TNIK: variants seen among roughly 807,000 people sequenced by gnomAD.
The protein encoded by TNIK is TRAF2 and NCK interacting kinase.
TNIK carries 49 observed loss-of-function variants against 191.3 expected under a neutral mutation model. The ratio of observed to expected loss-of-function variants is 0.26; its 90% CI spans 0.20 to 0.32. The LOEUF (loss-of-function observed/expected upper bound fraction) is 0.32, where lower values mean the gene tolerates loss of function less well. Among genes scored for constraint, TNIK ranks in the 10% least tolerant of loss-of-function variants. The pLI, the probability that TNIK is intolerant of heterozygous loss-of-function variation, is 1.00. For synonymous variants in TNIK, 594 were observed against 600.9 expected (o/e 0.99, Z 0.17); for missense variants, 1,155 against 1,702.3 (o/e 0.68, Z 5.66).
At chr3:171,217,241 C>A (rs1409874311) in intron 3 of TNIK, among the ~76,000 whole-genome samples, 1 of 152,108 alleles carries the variant, frequency 6.6e-6, no homozygotes, top group South Asian at 2.1e-4. Flanking sequence ...GAATCATGTC[C>A]TTTTCAGTAA....
chr3:171,264,913 TGA>T (rs1748181671), intron 2 of TNIK, among the ~76,000 whole-genome samples: 1 of 152,116 alleles, frequency 6.6e-6, no homozygotes, highest in Admixed American at 6.5e-5. Context: ...ACCCCTGCCA[TGA>T]GAGAGGTAGT....
intron 2 of TNIK, among the ~76,000 whole-genome samples, chr3:171,298,948 T>C (rs573448292): frequency 1.3e-5 from 2 of 152,332 alleles, no homozygotes; most frequent in South Asian, 4.1e-4. Flanking sequence ...CATGGCACCA[T>C]GGTGACCTTG....
intron 7 of TNIK, among the ~76,000 whole-genome samples, chr3:171,182,664 G>A (rs1420601218): frequency 6.6e-6 from 1 of 152,192 alleles, no homozygotes; most frequent in Non-Finnish European, 1.5e-5. Flanking sequence ...TGGAAAGGGT[G>A]GGAGTGGGGA....
intron 2 of TNIK, among the ~76,000 whole-genome samples, chr3:171,328,425 G>T (rs1388228502): frequency 6.6e-6 from 1 of 152,192 alleles, no homozygotes; most frequent in Non-Finnish European, 1.5e-5. Flanking sequence ...ACCATGAAAA[G>T]TCCCTTTCAA....
At chr3:171,380,536 T>C (rs1717890942) in intron 1 of TNIK, among the ~76,000 whole-genome samples, 1 of 152,264 alleles carries the variant, frequency 6.6e-6, no homozygotes, top group African/African-American at 2.4e-5. Context: ...AATTTTCAAC[T>C]GTTCTTCCTA....
chr3:171,390,001 A>G (rs1719257997), intron 1 of TNIK, among the ~76,000 whole-genome samples: 1 of 152,192 alleles, frequency 6.6e-6, no homozygotes, highest in East Asian at 1.9e-4. Flanking sequence ...CATGATGCAA[A>G]TACATCTTGA....
chr3:171,415,100 AGAGTAT>A (rs2108613640), intron 1 of TNIK, among the ~76,000 whole-genome samples: 1 of 152,274 alleles, frequency 6.6e-6, no homozygotes, highest in East Asian at 1.9e-4. Context: ...TCAGACATAC[AGAGTAT>A]GTACCATCTC....
intron 9 of TNIK, among the ~76,000 whole-genome samples, chr3:171,172,612 T>C (rs1329827907): frequency 6.6e-6 from 1 of 152,214 alleles, no homozygotes; most frequent in Non-Finnish European, 1.5e-5. Context: ...TCAAGTATCA[T>C]GTGCCTGGAG....
rs565854368 is a variant in TNIK, at chr3:171,388,797, A to G, written c.58-19112T>C. ...TTAGTTGCTTCTCCTTTGTGTTCTA[A>G]CAGTATTTGACTATAGCACTTGCCA... On this transcript the variant is annotated intron_variant, in intron 1 of 32. Transcript: ENST00000436636. 8.5e-5 allele frequency among the ~76,000 whole-genome samples: 13 copies of G among 152,298 alleles called. No individual in the cohort carries two copies. In the South Asian group the frequency reaches 2.7e-3, roughly 32 times the overall value.
At chr3:171,279,211 A>C (rs1462655066) in intron 2 of TNIK, among the ~76,000 whole-genome samples, 1 of 152,170 alleles carries the variant, frequency 6.6e-6, no homozygotes, top group Admixed American at 6.5e-5. Context: ...AAATAAACTA[A>C]AACAAAAGTC....
chr3:171,358,103 C>T (rs1714415491), intron 2 of TNIK, among the ~76,000 whole-genome samples: 1 of 152,196 alleles, frequency 6.6e-6, no homozygotes, highest in East Asian at 1.9e-4. Context: ...CTGGAGTTTC[C>T]TGTGGGGGAA....
chr3:171,105,870 G>T (rs981715535), intron 21 of TNIK, among the ~76,000 whole-genome samples: 3 of 152,046 alleles, frequency 2.0e-5, no homozygotes, highest in East Asian at 1.9e-4. Context: ...TACCTGTTCT[G>T]GGAGAAAACT....
At chr3:171,390,293 ACTGTCAAAC>A (rs1176649026) in intron 1 of TNIK, among the ~76,000 whole-genome samples, 1 of 152,084 alleles carries the variant, frequency 6.6e-6, no homozygotes, top group African/African-American at 2.4e-5. Context: ...ATGCCACCCA[ACTGTCAAAC>A]CTTCACTCAG....
At chr3:171,068,740 G>A (rs992892433) in intron 30 of TNIK, 108 bp downstream of exon 30, 8 of 1,116,458 alleles carry the variant, frequency 7.2e-6, no homozygotes, top group Non-Finnish European at 8.3e-6. Flanking sequence ...TCCATTTGCT[G>A]GTTAGTAAAG....
chr3:171,190,812 G>C (rs1245992015), intron 5 of TNIK, 25 bp from the exon 6 acceptor site: 8 of 1,538,386 alleles, frequency 5.2e-6, no homozygotes, highest in Non-Finnish European at 7.1e-6. Context: ...AGTTAAGAAG[G>C]GTTAATAGGA....
intron 6 of TNIK, among the ~76,000 whole-genome samples, chr3:171,189,938 G>GTT (rs1737822875): frequency 6.6e-6 from 1 of 152,144 alleles, no homozygotes; most frequent in Non-Finnish European, 1.5e-5. Context: ...CAACAAAAAG[G>GTT]AAGAGCAAAT....
At chr3:171,109,395 T>C (rs1021782414) in intron 19 of TNIK, among the ~76,000 whole-genome samples, 4 of 152,262 alleles carry the variant, frequency 2.6e-5, no homozygotes, top group Non-Finnish European at 4.4e-5. Context: ...ACTTCTGAGA[T>C]GTGCCACTAA....
chr3:171,372,710 G>T (rs1716685954), intron 1 of TNIK, among the ~76,000 whole-genome samples: 1 of 152,122 alleles, frequency 6.6e-6, no homozygotes, highest in Non-Finnish European at 1.5e-5. Flanking sequence ...ACATTTTTCA[G>T]ATGAACGTCA....
chr3:171,066,369 G>A (rs768625740), intron 31 of TNIK, 43 bp from the exon 32 acceptor site: 2 of 1,610,748 alleles, frequency 1.2e-6, no homozygotes, highest in East Asian at 2.2e-5. Context: ...AACATTAGAT[G>A]GGCAATAACT....
Sources: allele counts gnomAD v4.1 joint callset (sites outside exome capture counted in the v4.1 genomes callset), GRCh38; gene constraint gnomAD v4.1.1; transcripts MANE v1.5; gene names NCBI Gene and HGNC (gene_info 2026-07-23, HGNC 2026-07-21).